Variants in CCDC171 observed in about 807,000 individuals in gnomAD.
CCDC171 encodes coiled-coil domain containing 171.
A neutral mutation model predicts 168.2 loss-of-function variants in CCDC171; 177 were observed. That is an observed-to-expected ratio of 1.05 (90% CI 0.93 to 1.19). CCDC171 has a LOEUF of 1.19. Among genes scored for constraint, CCDC171 ranks in the 50% most tolerant of loss-of-function variants. The pLI, the probability that CCDC171 is intolerant of heterozygous loss-of-function variation, is 0.00. For synonymous variants in CCDC171, 687 were observed against 540.8 expected, an observed-to-expected ratio of 1.27 and a Z score of -3.75; for missense variants, 1,991 against 1,539.0, an observed-to-expected ratio of 1.29 and a Z score of -4.91.
the CCDC171 span, among the ~76,000 whole-genome samples, chr9:16,087,215 GGGTGGAGA>G: frequency 6.6e-6 from 1 of 152,234 alleles, no homozygotes; most frequent in East Asian, 1.9e-4. Context: ...TGTTGATTTG[GGGTGGAGA>G]GTTCTGTAGA....
chr9:15,907,951 T>A (rs953447022), intron 24 of CCDC171, among the ~76,000 whole-genome samples: 1 of 152,032 alleles, frequency 6.6e-6, no homozygotes, highest in African/African-American at 2.4e-5. Flanking sequence ...AAAACCACAA[T>A]GAGATACCAT....
At chr9:15,909,401 TACAC>T (rs57910855) in intron 24 of CCDC171, among the ~76,000 whole-genome samples, 73,027 of 140,692 alleles carry the variant, frequency 0.52, 18,101 homozygotes, top group East Asian at 0.73. Flanking sequence ...TACATGTGCG[TACAC>T]ACACACACAC....
rs768564567 is a variant in CCDC171 at position 15,971,692 on chromosome 9, A to G, written c.3837A>G (p.Leu1279=). The change falls in exon 26 of 26, where the codon TTA becomes TTG. Residue 1279 remains leucine, a synonymous_variant. Transcript: ENST00000380701. ...PADTTGIGDF[L]PLKAELDTTY... is the part of the protein sequence containing the mutation. ...ACACAACTGGTATTGGGGATTTCTTACCATTGAAAGCTGAACTTGATACTA... is the reference window on the plus strand; with the variant it reads ...ACACAACTGGTATTGGGGATTTCTTGCCATTGAAAGCTGAACTTGATACTA... 9 of 1,613,778 alleles carry G rather than the reference A, an allele frequency of 5.6e-6. 1 individual carries two copies. In the South Asian group the frequency reaches 9.9e-5, roughly 18 times the overall value.
At chr9:15,828,903 G>A (rs1460811129) in intron 21 of CCDC171, among the ~76,000 whole-genome samples, 3 of 152,122 alleles carry the variant, frequency 2.0e-5, no homozygotes, top group Admixed American at 2.0e-4. Flanking sequence ...GTTCATAAGT[G>A]AGGTTTCTCC....
intron 24 of CCDC171, among the ~76,000 whole-genome samples, chr9:15,909,436 C>G (rs1373550620): frequency 1.3e-5 from 2 of 151,736 alleles, no homozygotes; most frequent in African/African-American, 2.4e-5. Flanking sequence ...GCACATAATT[C>G]CACTGGCAAA....
At chr9:15,996,609 C>T (rs1832382026) in intron 3 of CCDC171, among the ~76,000 whole-genome samples, 1 of 151,578 alleles carries the variant, frequency 6.6e-6, no homozygotes, top group African/African-American at 2.4e-5. Context: ...TAGGAATGCT[C>T]AACTAAAATA....
chr9:15,685,077 C>G (rs990414858), intron 10 of CCDC171, among the ~76,000 whole-genome samples: 12 of 152,246 alleles, frequency 7.9e-5, no homozygotes, highest in African/African-American at 2.9e-4. Flanking sequence ...TCTTACAATT[C>G]TTTTAAATTT....
chr9:15,631,808 A>C, intron 7 of CCDC171, among the ~76,000 whole-genome samples: 1 of 152,218 alleles, frequency 6.6e-6, no homozygotes, highest in Admixed American at 6.5e-5. Flanking sequence ...AGCACATCAA[A>C]AAGCTTATCC....
chr9:15,793,213 A>C (rs1333075606), intron 21 of CCDC171, among the ~76,000 whole-genome samples: 1 of 152,000 alleles, frequency 6.6e-6, no homozygotes, highest in East Asian at 1.9e-4. Flanking sequence ...AACAAAGATC[A>C]AAAGAGACAA....
chr9:16,052,796 C>T (rs1460265231), intron 1 of CCDC171, among the ~76,000 whole-genome samples: 1 of 151,738 alleles, frequency 6.6e-6, no homozygotes, highest in Admixed American at 6.6e-5. Context: ...CCCCAACCCA[C>T]CGCCCCCCAT....
intron 18 of CCDC171, among the ~76,000 whole-genome samples, chr9:15,749,286 T>A (rs1170004662): frequency 2.6e-5 from 4 of 152,116 alleles, no homozygotes; most frequent in Non-Finnish European, 5.9e-5. Flanking sequence ...CCTAAATATA[T>A]ATGCACCCAA....
At chr9:15,934,655 T>C (rs1324632463) in intron 25 of CCDC171, among the ~76,000 whole-genome samples, 1 of 152,010 alleles carries the variant, frequency 6.6e-6, no homozygotes, top group Admixed American at 6.6e-5. Context: ...CCTGCATATA[T>C]ACCCAAAAGA....
At chr9:15,796,280 A>G (rs2135705865) in intron 21 of CCDC171, among the ~76,000 whole-genome samples, 1 of 152,336 alleles carries the variant, frequency 6.6e-6, no homozygotes, top group South Asian at 2.1e-4. Context: ...AGGAAATAAC[A>G]CATAATGCTC....
At chr9:15,931,822 T>A (rs1826553348) in intron 25 of CCDC171, among the ~76,000 whole-genome samples, 1 of 151,842 alleles carries the variant, frequency 6.6e-6, no homozygotes, top group Admixed American at 6.6e-5. Context: ...GGGGGTCTAA[T>A]GCCATTCTTT....
At chr9:15,978,519 G>C (rs1230589449), downstream of CCDC171, among the ~76,000 whole-genome samples, 1 of 152,086 alleles carries the variant, frequency 6.6e-6, no homozygotes, top group African/African-American at 2.4e-5. Context: ...CAGAATCCCT[G>C]TTCTTCCTAA....
chr9:15,634,260 A>T (rs1045285007), intron 7 of CCDC171, among the ~76,000 whole-genome samples: 1 of 152,184 alleles, frequency 6.6e-6, no homozygotes, highest in African/African-American at 2.4e-5. Context: ...AAAATTAAAG[A>T]TATAATTTGA....
chr9:15,582,772 G>C (rs1429387426), intron 4 of CCDC171, among the ~76,000 whole-genome samples: 2 of 151,976 alleles, frequency 1.3e-5, no homozygotes, highest in Non-Finnish European at 2.9e-5. Context: ...TCACACACTG[G>C]GGCCTGGCAG....
intron 24 of CCDC171, among the ~76,000 whole-genome samples, chr9:15,884,566 A>G (rs1434030929): frequency 6.6e-6 from 1 of 152,166 alleles, no homozygotes; most frequent in Non-Finnish European, 1.5e-5. Flanking sequence ...AAGTTGAAAT[A>G]ATTTCATTTT....
intron 6 of CCDC171, among the ~76,000 whole-genome samples, chr9:15,613,274 A>G (rs1462889681): frequency 1.3e-5 from 2 of 152,176 alleles, no homozygotes; most frequent in Admixed American, 1.3e-4. Flanking sequence ...TCCTCATTTA[A>G]CATCATTCAT....
Sources: allele counts gnomAD v4.1 joint callset (sites outside exome capture counted in the v4.1 genomes callset), GRCh38; gene constraint gnomAD v4.1.1; transcripts MANE v1.5; gene names NCBI Gene and HGNC (gene_info 2026-07-23, HGNC 2026-07-21).